The following TBC1D22A variants were observed in gnomAD, a reference collection of about 807,000 sequenced individuals.
TBC1D22A encodes the protein TBC1 domain family member 22A.
In TBC1D22A, 38 loss-of-function variants were observed where a neutral mutation model predicts 60.2. The ratio of observed to expected loss-of-function variants is 0.63; its 90% CI spans 0.49 to 0.83. The LOEUF is 0.83. Among genes scored for constraint, TBC1D22A ranks in the 40% least tolerant of loss-of-function variants. The pLI is 0.00. For synonymous variants in TBC1D22A, 302 were observed against 281.7 expected (o/e 1.07, Z -0.72); for missense variants, 628 against 701.0 (o/e 0.90, Z 1.18).
At chr22:46,865,101 A>G (rs2066988597) in intron 4 of TBC1D22A, among the ~76,000 whole-genome samples, 1 of 152,150 alleles carries the variant, frequency 6.6e-6, no homozygotes. Flanking sequence ...CCCAACCTCC[A>G]TTGGCTCCTC....
intron 8 of TBC1D22A, among the ~76,000 whole-genome samples, chr22:46,924,495 G>A (rs1349190298): frequency 1.3e-5 from 2 of 152,150 alleles, no homozygotes; most frequent in African/African-American, 2.4e-5. Context: ...GGTGGCTCAC[G>A]CTTATAATCC....
At chr22:47,131,505 C>G (rs913199336) in intron 12 of TBC1D22A, among the ~76,000 whole-genome samples, 3 of 152,224 alleles carry the variant, frequency 2.0e-5, no homozygotes, top group Admixed American at 6.5e-5. Flanking sequence ...GGAGTGTTCC[C>G]CCTGCCCCCT....
intron 9 of TBC1D22A, among the ~76,000 whole-genome samples, chr22:46,995,623 C>G (rs2148226284): frequency 6.6e-6 from 1 of 152,290 alleles, no homozygotes; most frequent in African/African-American, 2.4e-5. Context: ...AGTCGCTCAG[C>G]TCCACGTTTG....
intron 11 of TBC1D22A, among the ~76,000 whole-genome samples, chr22:47,090,777 ATCG>A (rs2064892707): frequency 1.8e-5 from 1 of 54,070 alleles, no homozygotes; most frequent in Non-Finnish European, 3.6e-5. Flanking sequence ...GGCACGAGAA[ATCG>A]TCTTTGGTGG....
chr22:46,803,438 G>A (rs2084986545), intron 4 of TBC1D22A, among the ~76,000 whole-genome samples: 1 of 152,114 alleles, frequency 6.6e-6, no homozygotes. Context: ...TGGAGATCTC[G>A]CTTCTGCTGT....
rs1432482299 is a variant in TBC1D22A, at chr22:46,777,486, G to A, written c.62+14638G>A. On this transcript the variant is annotated intron_variant, in intron 1 of 12. Coordinates refer to ENST00000337137, the MANE Select transcript of TBC1D22A (RefSeq NM_014346.5). The surrounding 1 kb of genome is among the most constrained non-coding windows in gnomAD (Gnocchi z 4.5). The stretch of plus-strand genomic sequence containing the variant: ...TGAGAGTTGGCAGTGGTTTTGCTTG[G>A]AGGCACGTGTTTGAGAACCGTTTAC... Among the ~76,000 whole-genome samples, 1 of 152,154 alleles carries A rather than the reference G, an allele frequency of 6.6e-6. No homozygotes were observed. Among genetic ancestry groups the A allele is most frequent in the Non-Finnish European group, 1.5e-5 (1 of 68,038 alleles).
chr22:46,940,394 A>G (rs561547185), intron 8 of TBC1D22A, among the ~76,000 whole-genome samples: 1 of 152,220 alleles, frequency 6.6e-6, no homozygotes, highest in South Asian at 2.1e-4. Context: ...GGGCACCAGC[A>G]CACATATATA....
chr22:47,052,399 A>T (rs531569157), intron 11 of TBC1D22A, among the ~76,000 whole-genome samples: 1 of 151,968 alleles, frequency 6.6e-6, no homozygotes, highest in Non-Finnish European at 1.5e-5. Flanking sequence ...CCTGGGAGGG[A>T]CCCTCAAGGT....
At chr22:46,886,164 G>T (rs890838444) in intron 5 of TBC1D22A, among the ~76,000 whole-genome samples, 26 of 152,270 alleles carry the variant, frequency 1.7e-4, no homozygotes, top group African/African-American at 5.1e-4. Flanking sequence ...CTCCCAAAGT[G>T]CTGGGATTAC....
At chr22:46,898,831 G>C (rs1454840102) in intron 7 of TBC1D22A, among the ~76,000 whole-genome samples, 3 of 152,226 alleles carry the variant, frequency 2.0e-5, no homozygotes, top group African/African-American at 7.2e-5. Flanking sequence ...ACCAAAAGGG[G>C]AAGGCAAGTT....
chr22:47,162,277 C>T (rs2068014008), intron 12 of TBC1D22A, among the ~76,000 whole-genome samples: 1 of 150,794 alleles, frequency 6.6e-6, no homozygotes, highest in South Asian at 2.1e-4. Context: ...AGTCATAGTT[C>T]CCAAGGCTTT....
chr22:46,941,655 T>C (rs1364088516), intron 8 of TBC1D22A, among the ~76,000 whole-genome samples: 1 of 74,730 alleles, frequency 1.3e-5, no homozygotes, highest in East Asian at 3.1e-4. Flanking sequence ...ATATACGGAA[T>C]ATATATACGC....
chr22:46,917,826 C>T (rs180989550), intron 8 of TBC1D22A, among the ~76,000 whole-genome samples: 113 of 152,210 alleles, frequency 7.4e-4, no homozygotes, highest in South Asian at 5.2e-3. Context: ...GTCTGTGACT[C>T]GAGGAGCTGG....
intron 4 of TBC1D22A, among the ~76,000 whole-genome samples, chr22:46,824,193 C>G (rs78379339): frequency 0.015 from 2,261 of 152,278 alleles, 53 homozygotes; most frequent in African/African-American, 0.051. Context: ...GAGCGTCTCT[C>G]AGCTGGACCA....
intron 4 of TBC1D22A, among the ~76,000 whole-genome samples, chr22:46,816,528 G>A (rs528121675): frequency 6.6e-6 from 1 of 152,368 alleles, no homozygotes; most frequent in Non-Finnish European, 1.5e-5. Context: ...GTCAGCCCAA[G>A]AATAGTACCA....
chr22:46,823,658 T>C (rs1413075062), intron 4 of TBC1D22A, among the ~76,000 whole-genome samples: 3 of 152,254 alleles, frequency 2.0e-5, no homozygotes, highest in African/African-American at 7.2e-5. Flanking sequence ...GAATAGTGCC[T>C]GGCACGTGGG....
chr22:46,809,996 T>C (rs1418006877), intron 4 of TBC1D22A, among the ~76,000 whole-genome samples: 1 of 152,216 alleles, frequency 6.6e-6, no homozygotes, highest in Non-Finnish European at 1.5e-5. Flanking sequence ...AAAATTCTTA[T>C]TAAAATTGCA....
intron 6 of TBC1D22A, among the ~76,000 whole-genome samples, chr22:46,893,236 G>A (rs1279895381): frequency 6.6e-6 from 1 of 152,204 alleles, no homozygotes; most frequent in East Asian, 1.9e-4. Flanking sequence ...GCCACATGGA[G>A]AGCCACATGG....
chr22:47,099,452 T>G (rs2065321950), intron 11 of TBC1D22A, among the ~76,000 whole-genome samples: 2 of 148,728 alleles, frequency 1.3e-5, no homozygotes, highest in Admixed American at 6.7e-5. Flanking sequence ...CTTTTGTTGT[T>G]TTTTTTTTTT....
Sources: gnomAD v4.1 joint callset for allele counts (sites outside exome capture counted in the v4.1 genomes callset) on GRCh38, gnomAD v4.1.1 for gene constraint, Gnocchi (gnomAD v3.1) non-coding constraint, MANE v1.5 for transcripts, NCBI Gene and HGNC (gene_info 2026-07-23, HGNC 2026-07-21) for gene names.